The following PSMA1 variants were observed in gnomAD, a reference collection of about 807,000 sequenced individuals.
PSMA1 encodes proteasome 20S subunit alpha 1, also known as proteasome subunit alpha type-1.
A neutral mutation model predicts 38.4 loss-of-function variants in PSMA1; 3 were observed. The observed-to-expected ratio is 0.08, with a 90% CI of 0.04 to 0.20. PSMA1 has a LOEUF of 0.20. Among genes scored for constraint, PSMA1 ranks in the 10% least tolerant of loss-of-function variants. The pLI, the probability that PSMA1 is intolerant of heterozygous loss-of-function variation, is 1.00. For missense variants in PSMA1, 227 were observed against 325.3 expected, an observed-to-expected ratio of 0.70 and a Z score of 2.32; for synonymous variants, 101 against 107.1, an observed-to-expected ratio of 0.94 and a Z score of 0.35.
chr11:14,547,869 T>C (rs927131660), intron 2 of PSMA1, among the ~76,000 whole-genome samples: 14 of 152,286 alleles, frequency 9.2e-5, no homozygotes, highest in African/African-American at 3.4e-4. Flanking sequence ...TGATTCTGAT[T>C]GGAACAGAAC....
chr11:14,551,917 A>T (rs1278005985), intron 2 of PSMA1, among the ~76,000 whole-genome samples: 1 of 152,182 alleles, frequency 6.6e-6, no homozygotes, highest in Non-Finnish European at 1.5e-5. Flanking sequence ...TATCCTCTCT[A>T]TATTTTCCTC....
chr11:14,507,457 C>T, intron 9 of PSMA1, 199 bp downstream of exon 9: 1 of 488,130 alleles, frequency 2.0e-6, no homozygotes, highest in Non-Finnish European at 3.6e-6. Context: ...TGAGCCACCG[C>T]ACCCGGCCCC....
intron 2 of PSMA1, among the ~76,000 whole-genome samples, chr11:14,592,219 C>G (rs944704475): frequency 2.0e-5 from 3 of 152,086 alleles, no homozygotes; most frequent in African/African-American, 7.2e-5. Flanking sequence ...CGAGGGTCCG[C>G]GGCTTCATTC....
At chr11:14,552,019 G>GT (rs1851891041) in intron 2 of PSMA1, among the ~76,000 whole-genome samples, 1 of 152,168 alleles carries the variant, frequency 6.6e-6, no homozygotes, top group African/African-American at 2.4e-5. Flanking sequence ...CAAGTTAGTG[G>GT]TTTTCCTCAG....
At chr11:14,537,711 CTTT>C (rs368892641) in intron 2 of PSMA1, among the ~76,000 whole-genome samples, 6 of 138,356 alleles carry the variant, frequency 4.3e-5, no homozygotes, top group Non-Finnish European at 4.7e-5. Context: ...TAAAATTACC[CTTT>C]TTTTTTTTTT....
chr11:14,642,521 T>C (rs1202338829), intron 1 of PSMA1, among the ~76,000 whole-genome samples: 1 of 152,238 alleles, frequency 6.6e-6, no homozygotes, highest in Admixed American at 6.5e-5. Context: ...TATGACCATA[T>C]ACGAAAATGG....
At chr11:14,631,470 G>A (rs1293815945) in intron 1 of PSMA1, among the ~76,000 whole-genome samples, 1 of 152,050 alleles carries the variant, frequency 6.6e-6, no homozygotes, top group East Asian at 1.9e-4. Context: ...ATGTAGTTGA[G>A]CGGTTTTGAG....
chr11:14,561,326 G>A (rs1274865796), intron 2 of PSMA1, among the ~76,000 whole-genome samples: 2 of 152,142 alleles, frequency 1.3e-5, no homozygotes, highest in African/African-American at 2.4e-5. Flanking sequence ...CATTACCTGA[G>A]ACTGTCCAGT....
At chr11:14,508,665 G>T (rs570969068) in intron 8 of PSMA1, among the ~76,000 whole-genome samples, 1 of 151,038 alleles carries the variant, frequency 6.6e-6, no homozygotes, top group Non-Finnish European at 1.5e-5. Context: ...AGATGATAGC[G>T]ATTGGAGCAG....
intron 2 of PSMA1, among the ~76,000 whole-genome samples, chr11:14,587,079 T>A (rs1852355156): frequency 6.6e-6 from 1 of 152,200 alleles, no homozygotes; most frequent in South Asian, 2.1e-4. Flanking sequence ...CCAAATTAAA[T>A]GCTATTTAAT....
intron 2 of PSMA1, among the ~76,000 whole-genome samples, chr11:14,594,323 G>A (rs936439531): frequency 4.6e-5 from 7 of 152,122 alleles, no homozygotes; most frequent in Non-Finnish European, 8.8e-5. Flanking sequence ...GTGAGCATTT[G>A]GAAGGAGCAC....
intron 2 of PSMA1, among the ~76,000 whole-genome samples, chr11:14,586,927 A>T (rs1220679532): frequency 4.6e-5 from 7 of 151,726 alleles, no homozygotes; most frequent in African/African-American, 1.5e-4. Context: ...TTCTGAGCAA[A>T]TTTTTTGTAT....
chr11:14,621,443 GT>G (rs561456395), intron 1 of PSMA1, among the ~76,000 whole-genome samples: 8 of 151,376 alleles, frequency 5.3e-5, no homozygotes, highest in Non-Finnish European at 1.0e-4. Context: ...GTTTTGTTTT[GT>G]TTTTTTTGTA....
intron 2 of PSMA1, among the ~76,000 whole-genome samples, chr11:14,563,222 A>C (rs1211384376): frequency 6.6e-6 from 1 of 152,178 alleles, no homozygotes; most frequent in Non-Finnish European, 1.5e-5. Context: ...TGACCACTTG[A>C]GGAAATGAGA....
intron 2 of PSMA1, among the ~76,000 whole-genome samples, chr11:14,538,001 G>A (rs1851729676): frequency 6.6e-6 from 1 of 152,030 alleles, no homozygotes; most frequent in Non-Finnish European, 1.5e-5. Context: ...GAGCCACCGC[G>A]CCTGGCCTAA....
intron 2 of PSMA1, among the ~76,000 whole-genome samples, chr11:14,591,823 A>C (rs1399835448): frequency 6.6e-6 from 1 of 152,072 alleles, no homozygotes; most frequent in Admixed American, 6.5e-5. Flanking sequence ...CAGATAAGAG[A>C]ATAAAAGCAG....
At chr11:14,619,958 G>A (rs376533345) in intron 1 of PSMA1, among the ~76,000 whole-genome samples, 7 of 152,162 alleles carry the variant, frequency 4.6e-5, no homozygotes, top group Non-Finnish European at 7.3e-5. Context: ...GGCATTTTAA[G>A]TTGTATTTTT....
At chr11:14,592,141 A>C (rs2134188761) in intron 2 of PSMA1, among the ~76,000 whole-genome samples, 1 of 152,236 alleles carries the variant, frequency 6.6e-6, no homozygotes, top group East Asian at 1.9e-4. Flanking sequence ...GAAACTCTGA[A>C]CACATCATCT....
At chr11:14,609,090 TAATAA>T (rs1230267897) in intron 2 of PSMA1, among the ~76,000 whole-genome samples, 7 of 152,164 alleles carry the variant, frequency 4.6e-5, no homozygotes, top group Non-Finnish European at 1.0e-4. Context: ...GATCCCCACT[TAATAA>T]AATAAAGTCC....
Sources: allele counts gnomAD v4.1 joint callset (sites outside exome capture counted in the v4.1 genomes callset), GRCh38; gene constraint gnomAD v4.1.1; transcripts MANE v1.5; gene names NCBI Gene and HGNC (gene_info 2026-07-23, HGNC 2026-07-21).